The following SOX5 variants were observed in gnomAD, a reference collection of about 807,000 sequenced individuals.
SOX5 encodes the protein transcription factor SOX-5.
In SOX5, 9 loss-of-function variants were observed where a neutral mutation model predicts 92.0. The observed-to-expected ratio is 0.10, with a 90% CI of 0.06 to 0.17. SOX5 has a LOEUF of 0.17. SOX5 is among the 10% of genes least tolerant of loss of function. The pLI, the probability that SOX5 is intolerant of heterozygous loss-of-function variation, is 1.00. For synonymous variants in SOX5, 344 were observed against 336.3 expected (o/e 1.02, Z -0.25); for missense variants, 642 against 944.5 (o/e 0.68, Z 4.20).
At chr12:24,562,061 C>G (rs1311877813) in intron 1 of SOX5, among the ~76,000 whole-genome samples, 1 of 152,254 alleles carries the variant, frequency 6.6e-6, no homozygotes, top group Non-Finnish European at 1.5e-5. Context: ...CTCCAGGGTC[C>G]CCCGGCCAGC....
chr12:24,050,676 T>C (rs1244163342), intron 4 of SOX5, among the ~76,000 whole-genome samples: 3 of 152,198 alleles, frequency 2.0e-5, no homozygotes, highest in Admixed American at 2.0e-4. Context: ...AAGTTATGTA[T>C]GCATGCCTGC....
chr12:24,542,763 T>C (rs898303371), intron 1 of SOX5, among the ~76,000 whole-genome samples: 3 of 152,240 alleles, frequency 2.0e-5, no homozygotes, highest in Non-Finnish European at 4.4e-5. Flanking sequence ...GCAAATTGTT[T>C]ATAAGAACCA....
intron 4 of SOX5, among the ~76,000 whole-genome samples, chr12:24,191,380 G>C (rs1051858469): frequency 6.6e-6 from 1 of 152,138 alleles, no homozygotes; most frequent in African/African-American, 2.4e-5. Context: ...TCTGCGTTGA[G>C]GATTTAGTGT....
chr12:23,758,603 T>G (rs929740522), intron 3 of SOX5, among the ~76,000 whole-genome samples: 3 of 152,028 alleles, frequency 2.0e-5, no homozygotes, highest in Admixed American at 2.0e-4. Context: ...ACTTGCCCAA[T>G]GTGGAGCTAA....
chr12:24,327,780 T>C (rs1212130022), intron 2 of SOX5, among the ~76,000 whole-genome samples: 1 of 151,728 alleles, frequency 6.6e-6, no homozygotes, highest in Non-Finnish European at 1.5e-5. Context: ...TTTTAGTAGA[T>C]ATGGGGTTTC....
At chr12:24,336,466 T>C (rs1289998575) in intron 2 of SOX5, among the ~76,000 whole-genome samples, 1 of 152,044 alleles carries the variant, frequency 6.6e-6, no homozygotes, top group Non-Finnish European at 1.5e-5. Context: ...CAAGAATGTT[T>C]TGAGATTGGG....
intron 3 of SOX5, among the ~76,000 whole-genome samples, chr12:24,257,011 T>G (rs889371470): frequency 1.3e-5 from 2 of 152,090 alleles, no homozygotes; most frequent in African/African-American, 4.8e-5. Context: ...AGGAATACAA[T>G]AGAGCACTTC....
chr12:23,950,823 A>C, upstream of SOX5: 2 of 1,518,764 alleles, frequency 1.3e-6, no homozygotes, highest in Non-Finnish European at 1.8e-6. Flanking sequence ...TGTACCTTTG[A>C]CACGAAATGA....
At chr12:23,801,449 T>C (rs10842224) in intron 3 of SOX5, among the ~76,000 whole-genome samples, 50,114 of 151,988 alleles carry the variant, frequency 0.33, 8,787 homozygotes, top group East Asian at 0.64. Flanking sequence ...CCCTGGCTTA[T>C]CCAGTAGATT....
intron 8 of SOX5, among the ~76,000 whole-genome samples, chr12:23,604,912 A>G (rs1041692414): frequency 6.6e-6 from 1 of 152,186 alleles, no homozygotes; most frequent in African/African-American, 2.4e-5. Flanking sequence ...GTAATTTTCT[A>G]CTATCCATAT....
intron 1 of SOX5, among the ~76,000 whole-genome samples, chr12:24,409,257 T>C (rs1963610958): frequency 1.3e-5 from 2 of 152,110 alleles, no homozygotes; most frequent in Non-Finnish European, 2.9e-5. Context: ...CCACATGTTC[T>C]CACTCATAAG....
chr12:24,007,079 G>T (rs149929882), intron 4 of SOX5, among the ~76,000 whole-genome samples: 2 of 146,288 alleles, frequency 1.4e-5, no homozygotes, highest in African/African-American at 5.2e-5. Flanking sequence ...GTTGCAGTGA[G>T]CTGAGCTCCC....
Position 24,163,876 on chromosome 12 carries a change from G to A in SOX5, c.-2+49467C>T, listed in dbSNP as rs1004078728. Among the ~76,000 whole-genome samples, 9 of 151,932 alleles carry A rather than the reference G, an allele frequency of 5.9e-5. No individual in the cohort carries two copies. In the Middle Eastern group the frequency reaches 0.01, roughly 172 times the overall value. ...ATTTCTCTCTATATCCCCAGGCAGA[G>A]AAAAGCAGCAGAATGCCCTGGTTCT... On this transcript the variant is annotated intron_variant, in intron 4 of 4. Coordinates refer to the SOX5 transcript ENST00000446891.
At chr12:24,296,147 A>G (rs1947220541) in intron 2 of SOX5, among the ~76,000 whole-genome samples, 1 of 152,328 alleles carries the variant, frequency 6.6e-6, no homozygotes, top group African/African-American at 2.4e-5. Flanking sequence ...GGTTTATGTG[A>G]GACTCCATCC....
At chr12:23,914,107 C>G (rs1390992075) in intron 1 of SOX5, among the ~76,000 whole-genome samples, 2 of 152,148 alleles carry the variant, frequency 1.3e-5, no homozygotes, top group African/African-American at 4.8e-5. Context: ...ATATCTGTTT[C>G]CTCTATCTCC....
intron 4 of SOX5, among the ~76,000 whole-genome samples, chr12:24,034,569 GA>G (rs1397857887): frequency 9.9e-6 from 1 of 101,070 alleles, no homozygotes; most frequent in East Asian, 2.2e-4. Context: ...TGCTCGGGAG[GA>G]TTTTTTTTTT....
chr12:23,763,760 A>C (rs2094629997), intron 3 of SOX5, among the ~76,000 whole-genome samples: 1 of 152,138 alleles, frequency 6.6e-6, no homozygotes, highest in African/African-American at 2.4e-5. Flanking sequence ...CAAGTGAAAG[A>C]GAACAACAAA....
chr12:24,394,174 T>C (rs1959240830), intron 1 of SOX5, among the ~76,000 whole-genome samples: 1 of 152,072 alleles, frequency 6.6e-6, no homozygotes. Flanking sequence ...GGGCTAATCA[T>C]GCCCCATCAT....
chr12:23,876,135 C>CT (rs1317509760), intron 2 of SOX5, among the ~76,000 whole-genome samples: 2 of 152,108 alleles, frequency 1.3e-5, no homozygotes, highest in African/African-American at 4.8e-5. Flanking sequence ...TAGGCATGGT[C>CT]TATTAAAAGT....
Sources: allele counts gnomAD v4.1 joint callset (sites outside exome capture counted in the v4.1 genomes callset), GRCh38; gene constraint gnomAD v4.1.1; transcripts MANE v1.5; gene names NCBI Gene and HGNC (gene_info 2026-07-23, HGNC 2026-07-21).